The following LIMCH1 variants were observed in gnomAD, a reference collection of about 807,000 sequenced individuals.
The protein encoded by LIMCH1 is LIM and calponin homology domains 1, also known as LIM and calponin homology domains-containing protein 1.
Under a neutral mutation model 176.5 loss-of-function variants are expected in LIMCH1, and 113 were observed. The observed-to-expected ratio is 0.64, with a 90% CI of 0.55 to 0.75. The LOEUF is 0.75. LIMCH1 is among the 30% of genes least tolerant of loss of function. LIMCH1 has a pLI of 0.00. For synonymous variants in LIMCH1, 619 were observed against 645.9 expected, an observed-to-expected ratio of 0.96 and a Z score of 0.63; for missense variants, 1,674 against 1,814.9, an observed-to-expected ratio of 0.92 and a Z score of 1.41.
At chr4:41,468,790 G>A (rs955321955) in intron 1 of LIMCH1, among the ~76,000 whole-genome samples, 1 of 152,080 alleles carries the variant, frequency 6.6e-6, no homozygotes, top group Non-Finnish European at 1.5e-5. Context: ...CACACCTAGT[G>A]TCTCTTTCCC....
chr4:41,394,766 G>A (rs2057620319), intron 1 of LIMCH1, among the ~76,000 whole-genome samples: 2 of 152,164 alleles, frequency 1.3e-5, no homozygotes, highest in Admixed American at 1.3e-4. Context: ...TATTCATAGA[G>A]CATCTTTCGT....
intron 1 of LIMCH1, among the ~76,000 whole-genome samples, chr4:41,405,145 A>T (rs150647078): frequency 6.6e-6 from 1 of 152,316 alleles, no homozygotes; most frequent in African/African-American, 2.4e-5. Context: ...CACATGTATT[A>T]TTAGTAAATA....
Position 41,479,579 on chromosome 4 carries a change from C to T in LIMCH1, c.97-14957C>T, listed in dbSNP as rs571851818. Among the ~76,000 whole-genome samples, 7 of 152,282 alleles carry T rather than the reference C, an allele frequency of 4.6e-5. No individual in the cohort carries two copies. The East Asian group carries it at 1.4e-3, about 29-fold the overall frequency. Reference sequence around the variant, plus strand: ...ACTCTTAATAAGGTGAACAGTGATGCCCTAATATCATCAAATGACCAGTAT... The same window carrying T: ...ACTCTTAATAAGGTGAACAGTGATGTCCTAATATCATCAAATGACCAGTAT... On this transcript the variant is annotated intron_variant, in intron 1 of 26. Transcript: ENST00000313860.
In LIMCH1 at chr4:41,419,616, T is replaced by TTCCG. The variant is rs1561310353; in HGVS notation, c.96+58683_96+58684insGTCC. On this transcript the variant is annotated intron_variant, in intron 1 of 26. Coordinates refer to the LIMCH1 transcript ENST00000313860. ...CTTCCTTCCTTCCGTCCTTCCTTCC[T>TTCCG]TCCTTCCTTCCTTCCTTCCTCCTTC... 1.0e-3 allele frequency among the ~76,000 whole-genome samples: 94 copies of TTCCG among 90,902 alleles called. 3 individuals carry two copies. The highest frequency in any genetic ancestry group is 5.1e-3 in the African/African-American group (66 of 12,990). 59.6% of individuals were successfully genotyped at this position (90,902 alleles called of 152,430 possible).
chr4:41,527,822 C>CAAAA (rs34651693), intron 3 of LIMCH1, among the ~76,000 whole-genome samples: 8 of 47,118 alleles, frequency 1.7e-4, no homozygotes, highest in Non-Finnish European at 3.3e-4. Flanking sequence ...GACTCCGTCT[C>CAAAA]AAAAAAAAAA....
intron 1 of LIMCH1, among the ~76,000 whole-genome samples, chr4:41,580,579 A>C (rs963840764): frequency 6.6e-6 from 1 of 152,136 alleles, no homozygotes; most frequent in African/African-American, 2.4e-5. Flanking sequence ...TTCCTTACTA[A>C]AGAATAAAGA....
intron 1 of LIMCH1, among the ~76,000 whole-genome samples, chr4:41,588,880 G>A (rs1486371592): frequency 6.6e-6 from 1 of 152,178 alleles, no homozygotes; most frequent in Non-Finnish European, 1.5e-5. Context: ...GGGAGGGCCA[G>A]GAGTGTTATC....
At chr4:41,628,250 A>G (rs761600198) in intron 8 of LIMCH1, among the ~76,000 whole-genome samples, 1 of 152,160 alleles carries the variant, frequency 6.6e-6, no homozygotes, top group Non-Finnish European at 1.5e-5. Context: ...TTGAGTCAGG[A>G]AAAGGACTAG....
At chr4:41,590,671 T>C (rs537996364) in intron 1 of LIMCH1, among the ~76,000 whole-genome samples, 1 of 152,336 alleles carries the variant, frequency 6.6e-6, no homozygotes, top group East Asian at 1.9e-4. Flanking sequence ...TGTTTTCTTC[T>C]GCTTCAAGCA....
chr4:41,554,092 A>G (rs972834709), intron 1 of LIMCH1, among the ~76,000 whole-genome samples: 6 of 152,122 alleles, frequency 3.9e-5, no homozygotes, highest in African/African-American at 1.2e-4. Context: ...TCTGAATCCA[A>G]AGTTTTCTTC....
At chr4:41,672,635 T>G (rs1053952569) in intron 22 of LIMCH1, among the ~76,000 whole-genome samples, 3 of 152,222 alleles carry the variant, frequency 2.0e-5, no homozygotes, top group African/African-American at 7.2e-5. Context: ...AGAAAACATT[T>G]GTTAATTAAA....
At chr4:41,641,739 T>A (rs1312186456) in intron 14 of LIMCH1, among the ~76,000 whole-genome samples, 1 of 152,206 alleles carries the variant, frequency 6.6e-6, no homozygotes, top group East Asian at 1.9e-4. Flanking sequence ...TCACACAAGG[T>A]CAGGTGTGGA....
intron 30 of LIMCH1, among the ~76,000 whole-genome samples, chr4:41,690,598 T>C (rs1724766970): frequency 6.6e-6 from 1 of 152,198 alleles, no homozygotes; most frequent in South Asian, 2.1e-4. Flanking sequence ...GGATTTTCTT[T>C]TATTTCTTGT....
chr4:41,360,605 T>C (rs1464756647), upstream of LIMCH1: 5 of 262,990 alleles, frequency 1.9e-5, no homozygotes, highest in African/African-American at 9.1e-5. This position sits in a 1 kb window ranked among gnomAD's most constrained non-coding sequence, Gnocchi z 4.5. Flanking sequence ...TCCCGGCGCC[T>C]CCGCGCTCGC....
At chr4:41,411,850 C>T (rs2059512659) in intron 1 of LIMCH1, among the ~76,000 whole-genome samples, 3 of 147,320 alleles carry the variant, frequency 2.0e-5, no homozygotes, top group Non-Finnish European at 3.0e-5. Flanking sequence ...CCCAGCTACT[C>T]GGGAGGTTGA....
chr4:41,368,957 G>A (rs560558588), intron 1 of LIMCH1, among the ~76,000 whole-genome samples: 57 of 152,320 alleles, frequency 3.7e-4, no homozygotes, highest in African/African-American at 1.0e-3. Flanking sequence ...AAGGGGCTGC[G>A]GGAAACCTGC....
chr4:41,633,296 T>C (rs111299054), intron 12 of LIMCH1, among the ~76,000 whole-genome samples: 1,589 of 152,298 alleles, frequency 0.01, 9 homozygotes, highest in Non-Finnish European at 0.017. Flanking sequence ...TGCATGTGGC[T>C]GAGTACTGGC....
chr4:41,655,217 T>C (rs1419982735), intron 18 of LIMCH1, among the ~76,000 whole-genome samples: 1 of 152,200 alleles, frequency 6.6e-6, no homozygotes, highest in African/African-American at 2.4e-5. Flanking sequence ...ATACACTATA[T>C]CAAAGGTCAG....
intron 1 of LIMCH1, among the ~76,000 whole-genome samples, chr4:41,424,743 T>C (rs1290679483): frequency 6.6e-6 from 1 of 152,208 alleles, no homozygotes; most frequent in Non-Finnish European, 1.5e-5. Context: ...TTGTAGACCA[T>C]AGTGGCTTTT....
Sources: gnomAD v4.1 joint callset for allele counts (sites outside exome capture counted in the v4.1 genomes callset) on GRCh38, gnomAD v4.1.1 for gene constraint, Gnocchi (gnomAD v3.1) non-coding constraint, MANE v1.5 for transcripts, NCBI Gene and HGNC (gene_info 2026-07-23, HGNC 2026-07-21) for gene names.